DDX47: variants seen among roughly 807,000 people sequenced by gnomAD.
DDX47 encodes DEAD-box helicase 47.
A neutral mutation model predicts 58.8 loss-of-function variants in DDX47; 60 were observed. The ratio of observed to expected loss-of-function variants is 1.02; its 90% CI spans 0.83 to 1.26. The LOEUF is 1.26. Ranked by LOEUF, DDX47 falls within the 50% of genes most tolerant of loss-of-function variation. The pLI, the probability that DDX47 is intolerant of heterozygous loss-of-function variation, is 0.00. For synonymous variants in DDX47, 197 were observed against 204.6 expected (o/e 0.96, Z 0.32); for missense variants, 530 against 573.2 (o/e 0.92, Z 0.77).
Position 12,822,061 on chromosome 12 carries a change from T to G in DDX47, c.539T>G (p.Leu180Arg). Residue 180 changes from leucine (L) to arginine (R), a missense_variant, in exon 5 of 12, where the codon CTG becomes CGG. By Grantham distance (102) the Leu-to-Arg change is moderately radical. Transcript: ENST00000358007. ...YLVMDEADRI[L>R]NMDFETEVDK... is the part of the protein sequence containing the mutation. ...GTCATGGATGAAGCCGACCGAATAC[T>G]GAATATGGATTTTGAGACAGAGGTG... is the stretch of plus-strand genomic sequence containing the variant. 1.2e-6 allele frequency: 2 copies of G among 1,612,730 alleles called. No individual in the cohort carries two copies. Among genetic ancestry groups the G allele is most frequent in the Non-Finnish European group, 1.7e-6 (2 of 1,178,746 alleles).
In DDX47 at chr12:12,820,891, C is replaced by G; in HGVS notation, c.182-317C>G. On this transcript the variant is annotated intron_variant, in intron 2 of 11. Transcript: ENST00000358007. Reference sequence around the variant, plus strand: ...TTTGCTTACTTCCAGTTTTAACTCACTTATCACCTCTGTTAGCCTTTTCTG... The same window carrying G: ...TTTGCTTACTTCCAGTTTTAACTCAGTTATCACCTCTGTTAGCCTTTTCTG... 5.9e-6 allele frequency: 2 copies of G among 341,372 alleles called. 1 individual carries two copies. The highest frequency in any genetic ancestry group is 5.8e-5 in the South Asian group (2 of 34,494). The allele number at this position is 341,372 out of a possible 1,614,324, so 21.1% of individuals were successfully genotyped here. A position where few individuals can be genotyped will look rare whatever the true frequency, so the allele number is the denominator to read the frequency against.
At chr12:12,823,347 C>T (rs1292554545) in intron 7 of DDX47, 28 bp downstream of exon 7, 2 of 1,275,394 alleles carry the variant, frequency 1.6e-6, no homozygotes, top group Admixed American at 1.7e-5. Flanking sequence ...ATCATTCCTG[C>T]CTCTCCCTCT....
At chr12:12,825,760 T>C (rs528899947) in intron 9 of DDX47, among the ~76,000 whole-genome samples, 1 of 152,296 alleles carries the variant, frequency 6.6e-6, no homozygotes, top group Admixed American at 6.5e-5. Context: ...CATGTAGATA[T>C]GCTTTGTAGA....
intron 9 of DDX47, among the ~76,000 whole-genome samples, chr12:12,825,353 G>T (rs1455989213): frequency 6.6e-6 from 1 of 152,086 alleles, no homozygotes; most frequent in Non-Finnish European, 1.5e-5. Context: ...TGTTGTGGGG[G>T]TTGTTCTTTG....
rs145072532 is a variant in DDX47 at position 12,823,203 on chromosome 12, G to A, written c.634G>A (p.Val212Ile). The change falls in exon 7 of 12, where the codon GTT becomes ATT. Residue 212 changes from valine (V) to isoleucine (I), a missense_variant and splice_region_variant. Val to Ile is a conservative substitution (Grantham distance 29, BLOSUM62 3). Coordinates refer to ENST00000358007, the MANE Select transcript of DDX47 (RefSeq NM_016355.4). ...FLFSATMTKK[V>I]QKLQRAALKN... is the part of the protein sequence containing the mutation. ...GCTATTCTGGATCTTCTTCCTTCAG[G>A]TTCAAAAACTTCAGCGAGCAGCTCT... 115 of 1,605,772 alleles carry A rather than the reference G, an allele frequency of 7.2e-5. No homozygotes were observed. The highest frequency in any genetic ancestry group is 9.1e-5 in the Non-Finnish European group (107 of 1,172,586).
intron 2 of DDX47, among the ~76,000 whole-genome samples, chr12:12,817,413 A>G (rs1030561929): frequency 1.1e-4 from 16 of 152,192 alleles, no homozygotes; most frequent in African/African-American, 3.9e-4. Flanking sequence ...TGTTACTATC[A>G]AGAGATCAAA....
intron 10 of DDX47, among the ~76,000 whole-genome samples, chr12:12,826,813 A>G (rs953087875): frequency 1.3e-5 from 2 of 151,960 alleles, no homozygotes; most frequent in African/African-American, 4.8e-5. Context: ...GCTGGAGTGC[A>G]GTGACTTGAT....
At chr12:12,813,487 A>G (rs553817494) in intron 1 of DDX47, 33 bp downstream of exon 1, 2 of 1,566,446 alleles carry the variant, frequency 1.3e-6, no homozygotes, top group East Asian at 2.3e-5. Context: ...TCTTTTATGT[A>G]CTCTGGTGCT....
Position 12,827,340 on chromosome 12 carries a change from G to A in DDX47, c.1201G>A (p.Glu401Lys), listed in dbSNP as rs1387576068. The A allele has an allele frequency of 3.7e-6, 6 of 1,614,128 alleles. No individual in the cohort carries two copies. In the Admixed American group the frequency reaches 1.0e-4, roughly 27 times the overall value. The change falls in exon 11 of 12, where the codon GAA becomes AAA. Residue 401 changes from glutamate to lysine, a missense_variant. Glu to Lys is a moderately conservative substitution (Grantham distance 56). Coordinates refer to ENST00000358007, the MANE Select transcript of DDX47 (RefSeq NM_016355.4). ...GGATGATGAGGTTATGATGCTGACAGAACGCGTCGCTGAAGCCCAAAGGTT... is the reference window on the plus strand; with the variant it reads ...GGATGATGAGGTTATGATGCTGACAAAACGCGTCGCTGAAGCCCAAAGGTT... ...TQDDEVMMLT[E>K]RVAEAQRFAR...
rs566944146 is a variant in DDX47 at position 12,815,730 on chromosome 12, C to T, written c.181+1506C>T. 3.9e-5 allele frequency among the ~76,000 whole-genome samples: 6 copies of T among 152,104 alleles called. No individual in the cohort carries two copies. The South Asian group carries it at 6.2e-4, about 16-fold the overall frequency. On this transcript the variant is annotated intron_variant, in intron 2 of 11. Transcript: ENST00000358007. Reference sequence around the variant, plus strand: ...TGTATGGAGATTTGCAAGTACTTAGCAGAGTGGTGAAAAAGTTTAGTAAGG... The same window carrying T: ...TGTATGGAGATTTGCAAGTACTTAGTAGAGTGGTGAAAAAGTTTAGTAAGG...
chr12:12,817,318 C>T (rs565919455), intron 2 of DDX47, among the ~76,000 whole-genome samples: 1 of 152,242 alleles, frequency 6.6e-6, no homozygotes, highest in South Asian at 2.1e-4. Context: ...GCTAAGGTCA[C>T]CTAACTAATT....
intron 3 of DDX47, 81 bp downstream of exon 3, chr12:12,821,477 T>C: frequency 6.5e-7 from 1 of 1,536,482 alleles, no homozygotes; most frequent in Non-Finnish European, 9.0e-7. Context: ...TGGAGGAAAG[T>C]ATTGCTAGCA....
At chr12:12,818,570 CTG>C (rs1862929060) in intron 2 of DDX47, among the ~76,000 whole-genome samples, 2 of 151,874 alleles carry the variant, frequency 1.3e-5, no homozygotes, top group South Asian at 2.1e-4. Flanking sequence ...TATTTCACAT[CTG>C]TGCATATGCT....
chr12:12,813,550 G>C, intron 1 of DDX47, 96 bp downstream of exon 1: 1 of 1,115,104 alleles, frequency 9.0e-7, no homozygotes, highest in South Asian at 1.4e-5. Context: ...GTGTACAAAA[G>C]CATCTTGGGG....
rs1476292290 is a variant in DDX47 at position 12,825,830 on chromosome 12, A to G, written c.1036-170A>G. The stretch of plus-strand genomic sequence containing the variant: ...TCAATTTTGTGCTGCAAGGAGAACA[A>G]AAAAGATGAAGTAGATTTGTCTCAA... On this transcript the variant is annotated intron_variant, in intron 9 of 11. Transcript: ENST00000358007. Among the ~76,000 whole-genome samples, 3 of 152,232 alleles carry G rather than the reference A, an allele frequency of 2.0e-5. No homozygotes were observed. In the East Asian group the frequency reaches 5.8e-4, roughly 29 times the overall value.
At position 12,813,377 on chromosome 12, in the gene DDX47, C is replaced by T. The variant is rs1032266198; in HGVS notation, c.10C>T (p.Pro4Ser). 6.2e-7 allele frequency: 1 copy of T among 1,613,388 alleles called. No homozygotes were observed. The highest frequency in any genetic ancestry group is 8.5e-7 in the Non-Finnish European group (1 of 1,179,656). Reference protein sequence around the residue: MAAPEEHDSPTEAS... With the variant: MAASEEHDSPTEAS... ...GGAGACCTCACACAAGATGGCGGCACCCGAGGAACACGATTCTCCGACCGA... is the reference window on the plus strand; with the variant it reads ...GGAGACCTCACACAAGATGGCGGCATCCGAGGAACACGATTCTCCGACCGA... Residue 4 changes from proline to serine, a missense_variant, in exon 1 of 12, where the codon CCC becomes TCC. Physicochemically the swap from Pro to Ser is moderately conservative, Grantham distance 74 (BLOSUM62 -1). Transcript: ENST00000358007.
At chr12:12,822,312 T>C (rs977395363) in intron 5 of DDX47, among the ~76,000 whole-genome samples, 1 of 152,236 alleles carries the variant, frequency 6.6e-6, no homozygotes, top group Admixed American at 6.5e-5. Context: ...TTTCGTTTAA[T>C]TTAGACCTTG....
At position 12,827,265 on chromosome 12, in the gene DDX47, C is replaced by G. The variant is rs1390384507; in HGVS notation, c.1126C>G (p.Gln376Glu). The G allele has an allele frequency of 6.2e-7, 1 of 1,614,068 alleles. No individual in the cohort carries two copies. The highest frequency in any genetic ancestry group is 1.3e-5 in the African/African-American group (1 of 75,022). ...FVTQYDVELF[Q>E]RIEHLIGKKL... ...CCTCAGGTATGATGTGGAACTCTTC[C>G]AGCGCATAGAACACTTAATTGGGAA... is the stretch of plus-strand genomic sequence containing the variant. The change falls in exon 11 of 12, where the codon CAG becomes GAG. Residue 376 changes from glutamine (Q) to glutamate (E), a missense_variant. Physicochemically the swap from Gln to Glu is conservative, Grantham distance 29. Coordinates refer to ENST00000358007, the MANE Select transcript of DDX47 (RefSeq NM_016355.4).
chr12:12,823,783 G>A (rs1475112402), intron 7 of DDX47, 87 bp from the exon 8 acceptor site: 12 of 1,326,116 alleles, frequency 9.0e-6, no homozygotes, highest in African/African-American at 1.5e-5. Flanking sequence ...GCGACTATAG[G>A]CTTAGTCTTT....
Sources: allele counts gnomAD v4.1 joint callset (sites outside exome capture counted in the v4.1 genomes callset), GRCh38; gene constraint gnomAD v4.1.1; transcripts MANE v1.5; gene names NCBI Gene and HGNC (gene_info 2026-07-23, HGNC 2026-07-21).